Variants in RASA3 observed in about 807,000 individuals in gnomAD.
The protein encoded by RASA3 is ras GTPase-activating protein 3.
Under a neutral mutation model 110.0 loss-of-function variants are expected in RASA3, and 73 were observed. The ratio of observed to expected loss-of-function variants is 0.66; its 90% CI spans 0.55 to 0.81. The LOEUF is 0.81. RASA3 is among the 30% of genes least tolerant of loss of function. RASA3 has a pLI of 0.00. For missense variants in RASA3, 976 were observed against 1,113.2 expected, an observed-to-expected ratio of 0.88 and a Z score of 1.75; for synonymous variants, 500 against 451.4, an observed-to-expected ratio of 1.11 and a Z score of -1.37.
chr13:114,097,464 G>A (rs777173859), intron 1 of RASA3, among the ~76,000 whole-genome samples: 33 of 152,336 alleles, frequency 2.2e-4, no homozygotes, highest in African/African-American at 5.5e-4. Context: ...GAGACAGAAC[G>A]TCACAGCGAA....
At chr13:114,037,096 G>C (rs1480473142) in intron 4 of RASA3, among the ~76,000 whole-genome samples, 2 of 152,228 alleles carry the variant, frequency 1.3e-5, no homozygotes, top group African/African-American at 4.8e-5. Flanking sequence ...CAGGCTTGGA[G>C]GACGCTGGGC....
At chr13:114,069,478 GCCGGGAGACTCGGGGGA>G (rs2079519629) in intron 2 of RASA3, among the ~76,000 whole-genome samples, 1 of 77,548 alleles carries the variant, frequency 1.3e-5, no homozygotes, top group Non-Finnish European at 2.7e-5. Context: ...AGACTCGGGG[GCCGGGAGACTCGGGGGA>G]CCAGGAGACT....
At chr13:114,025,307 G>A (rs1290531056) in intron 7 of RASA3, among the ~76,000 whole-genome samples, 1 of 152,188 alleles carries the variant, frequency 6.6e-6, no homozygotes, top group East Asian at 1.9e-4. Flanking sequence ...CGGGTTGAGG[G>A]CTGCTGACGC....
chr13:113,982,814 G>C (rs1411556589), intron 22 of RASA3, among the ~76,000 whole-genome samples: 1 of 152,228 alleles, frequency 6.6e-6, no homozygotes, highest in Non-Finnish European at 1.5e-5. Flanking sequence ...CACCAAGGAA[G>C]CTGGCTTGCC....
intron 5 of RASA3, among the ~76,000 whole-genome samples, chr13:114,028,738 A>G (rs111434681): frequency 2.0e-4 from 9 of 44,470 alleles, no homozygotes; most frequent in Admixed American, 2.3e-4. Flanking sequence ...CTAAAACGGC[A>G]TCATCCTGGG....
chr13:114,017,319 A>G lies in RASA3; in HGVS notation c.1124T>C (p.Leu375Pro). The change falls in exon 12 of 24, where the codon CTG (leucine) becomes CCG (proline). Residue 375 changes from leucine (L) to proline (P), a missense_variant. Transcript: ENST00000334062. ...DPNTIFRGNS[L>P]ASKCIDETMK... Reference sequence around the variant, plus strand: ...GGTCTCGTCGATGCACTTGGACGCCAGTGAGTTTCCTCGGAAGATGGTGTT... The same window carrying G: ...GGTCTCGTCGATGCACTTGGACGCCGGTGAGTTTCCTCGGAAGATGGTGTT... 6.2e-7 allele frequency: 1 copy of G among 1,613,990 alleles called. No homozygotes were observed. Among genetic ancestry groups the G allele is most frequent in the Non-Finnish European group, 8.5e-7 (1 of 1,180,022 alleles).
intron 22 of RASA3, among the ~76,000 whole-genome samples, chr13:113,982,257 G>A (rs996579042): frequency 6.6e-6 from 1 of 152,234 alleles, no homozygotes; most frequent in Non-Finnish European, 1.5e-5. Context: ...TGGCTCATGG[G>A]CCCTGGGGCA....
In RASA3 at chr13:114,127,293, G is replaced by T. The variant is rs1165376416; in HGVS notation, c.55+5142C>A. ...TGACGCCCCCAGGGCTGCCTCCGGG[G>T]TCCACACTCTGCCCACCAGTCCAGC... On this transcript the variant is annotated intron_variant, in intron 1 of 23. Coordinates refer to ENST00000334062, the MANE Select transcript of RASA3 (RefSeq NM_007368.4). 7.9e-5 allele frequency among the ~76,000 whole-genome samples: 12 copies of T among 152,184 alleles called. No homozygotes were observed. In the South Asian group the frequency reaches 8.3e-4, roughly 11 times the overall value.
At chr13:114,072,528 C>A (rs1051462982) in intron 2 of RASA3, among the ~76,000 whole-genome samples, 1 of 152,208 alleles carries the variant, frequency 6.6e-6, no homozygotes, top group Non-Finnish European at 1.5e-5. Flanking sequence ...CTCAGTATTT[C>A]CCCCTCTCGA....
At chr13:114,037,695 A>G (rs1283658975) in intron 4 of RASA3, among the ~76,000 whole-genome samples, 1 of 152,202 alleles carries the variant, frequency 6.6e-6, no homozygotes, top group East Asian at 1.9e-4. Flanking sequence ...TTACCACATA[A>G]AAAACTGGAA....
chr13:114,122,329 G>A (rs902512116), intron 1 of RASA3, among the ~76,000 whole-genome samples: 3 of 152,320 alleles, frequency 2.0e-5, no homozygotes, highest in East Asian at 1.9e-4. Flanking sequence ...CATCCCACCC[G>A]GACCTCGGAG....
At chr13:114,028,161 C>T (rs1047800914) in intron 5 of RASA3, among the ~76,000 whole-genome samples, 6 of 145,526 alleles carry the variant, frequency 4.1e-5, no homozygotes, top group South Asian at 2.2e-4. Context: ...TTAGCGTGGA[C>T]GCCAGCAGTG....
chr13:113,990,759 GTGT>G (rs2053089977), intron 22 of RASA3, among the ~76,000 whole-genome samples: 2 of 152,248 alleles, frequency 1.3e-5, no homozygotes, highest in Non-Finnish European at 2.9e-5. Flanking sequence ...ACATGTGAGC[GTGT>G]TGTGTTCAAC....
chr13:114,069,555 C>G (rs1035314330), intron 2 of RASA3, among the ~76,000 whole-genome samples: 33 of 4,680 alleles, frequency 7.1e-3, no homozygotes, highest in Admixed American at 0.017. Flanking sequence ...TCGGGAGACT[C>G]GGGGGTTGGG....
chr13:114,118,332 G>T (rs2080324169), intron 1 of RASA3, among the ~76,000 whole-genome samples: 1 of 152,114 alleles, frequency 6.6e-6, no homozygotes, highest in South Asian at 2.1e-4. Flanking sequence ...AGTGCCTGTG[G>T]GAGGACATTT....
At chr13:114,055,441 G>C (rs765317510) in intron 2 of RASA3, among the ~76,000 whole-genome samples, 22 of 152,206 alleles carry the variant, frequency 1.4e-4, no homozygotes, top group Admixed American at 2.6e-4. Flanking sequence ...GGAGAAGCTT[G>C]GTGCTCTGCG....
chr13:114,083,623 G>A (rs1324819131), intron 1 of RASA3, among the ~76,000 whole-genome samples: 1 of 114,904 alleles, frequency 8.7e-6, no homozygotes, highest in Non-Finnish European at 2.0e-5. Context: ...GAAGTGGTGA[G>A]TCTGGAGTAT....
At chr13:114,069,688 G>A (rs1350146802) in intron 2 of RASA3, among the ~76,000 whole-genome samples, 1 of 55,728 alleles carries the variant, frequency 1.8e-5, no homozygotes, top group Admixed American at 1.7e-4. Flanking sequence ...GGAAACTGGG[G>A]GGCCAGGAGA....
chr13:114,009,782 C>T (rs939543053), intron 16 of RASA3, among the ~76,000 whole-genome samples: 1 of 152,226 alleles, frequency 6.6e-6, no homozygotes, highest in Non-Finnish European at 1.5e-5. Context: ...TACGTTGGGG[C>T]CCAGATGTGG....
Sources: gnomAD v4.1 joint callset for allele counts (sites outside exome capture counted in the v4.1 genomes callset) on GRCh38, gnomAD v4.1.1 for gene constraint, MANE v1.5 for transcripts, NCBI Gene and HGNC (gene_info 2026-07-23, HGNC 2026-07-21) for gene names.